The following PHF2 variants were observed in gnomAD, a reference collection of about 807,000 sequenced individuals.
PHF2 encodes lysine-specific demethylase PHF2.
A neutral mutation model predicts 120.5 loss-of-function variants in PHF2; 27 were observed. The observed-to-expected ratio is 0.22, with a 90% CI of 0.17 to 0.31. The LOEUF (loss-of-function observed/expected upper bound fraction) is 0.31. Ranked by LOEUF, PHF2 falls within the 10% of genes least tolerant of loss-of-function variation. PHF2 has a pLI of 1.00. For missense variants in PHF2, 1,024 were observed against 1,434.8 expected, an observed-to-expected ratio of 0.71 and a Z score of 4.63; for synonymous variants, 568 against 592.5, an observed-to-expected ratio of 0.96 and a Z score of 0.60.
At position 93,677,767 on chromosome 9, in the gene PHF2, AC is replaced by A; in HGVS notation, c.*93del. 1.1e-6 allele frequency: 1 copy of A among 921,130 alleles called. No individual in the cohort carries two copies. The highest frequency in any genetic ancestry group is 1.7e-6 in the Non-Finnish European group (1 of 580,486). 57.1% of individuals were successfully genotyped at this position (921,130 alleles called of 1,614,324 possible). A position where few individuals can be genotyped will look rare whatever the true frequency, so the allele number is the denominator to read the frequency against. On this transcript the variant is annotated 3_prime_UTR_variant, in exon 22 of 22. Transcript: ENST00000359246. The surrounding 1 kb of genome is among the most constrained non-coding windows in gnomAD (Gnocchi z 4.4). ...TCCCAGGAGGGTGCCGAGCTGCCTC[AC>A]CAGGGAGGGCCTTGCCTCTTCCCGG...
chr9:93,642,742 A>G (rs1008754150), intron 3 of PHF2, among the ~76,000 whole-genome samples: 8 of 152,192 alleles, frequency 5.3e-5, no homozygotes, highest in Non-Finnish European at 7.3e-5. Context: ...TTGGAGAGTC[A>G]CATGTCAATT....
At chr9:93,644,520 G>C (rs1826221998) in intron 3 of PHF2, among the ~76,000 whole-genome samples, 1 of 152,118 alleles carries the variant, frequency 6.6e-6, no homozygotes, top group African/African-American at 2.4e-5. Context: ...ACCTGCCACT[G>C]TCTGTCCGCG....
chr9:93,657,402 G>A (rs1250874510), intron 9 of PHF2, among the ~76,000 whole-genome samples: 1 of 152,158 alleles, frequency 6.6e-6, no homozygotes, highest in Non-Finnish European at 1.5e-5. Flanking sequence ...GCTTGACTCT[G>A]GCAGAAGGAA....
At chr9:93,628,135 A>G (rs748789791) in intron 1 of PHF2, among the ~76,000 whole-genome samples, 37 of 152,154 alleles carry the variant, frequency 2.4e-4, no homozygotes, top group Non-Finnish European at 4.6e-4. Flanking sequence ...TCCCCTTAAT[A>G]TGCTCCTAGA....
At position 93,677,756 on chromosome 9, in the gene PHF2, C is replaced by T. The variant is rs903396013; in HGVS notation, c.*80C>T. On this transcript the variant is annotated 3_prime_UTR_variant, in exon 22 of 22. Transcript: ENST00000359246. The surrounding 1 kb of genome is among the most constrained non-coding windows in gnomAD (Gnocchi z 4.4). ...AAACATCTGCCTCCCAGGAGGGTGCCGAGCTGCCTCACCAGGGAGGGCCTT... is the reference window on the plus strand; with the variant it reads ...AAACATCTGCCTCCCAGGAGGGTGCTGAGCTGCCTCACCAGGGAGGGCCTT... 1.5e-5 allele frequency: 16 copies of T among 1,043,456 alleles called. No individual in the cohort carries two copies. The highest frequency in any genetic ancestry group is 2.1e-4 in the Middle Eastern group (1 of 4,758). 64.6% of individuals were successfully genotyped at this position (1,043,456 alleles called of 1,614,324 possible).
chr9:93,585,922 C>T (rs940081421), intron 1 of PHF2, among the ~76,000 whole-genome samples: 4 of 152,348 alleles, frequency 2.6e-5, no homozygotes, highest in Non-Finnish European at 5.9e-5. Context: ...GAGCTTGAGG[C>T]CCTTCCCTGC....
At chr9:93,673,976 C>A in intron 18 of PHF2, 114 bp downstream of exon 18, 1 of 1,195,954 alleles carries the variant, frequency 8.4e-7, no homozygotes, top group Non-Finnish European at 1.1e-6. Context: ...GGCCTCAGCT[C>A]AGCAAAACCC....
At position 93,674,957 on chromosome 9, in the gene PHF2, A is replaced by G. The variant is rs1389690496; in HGVS notation, c.2657A>G (p.Asn886Ser). Residue 886 changes from asparagine (N) to serine (S), a missense_variant, in exon 19 of 22, where the codon AAC becomes AGC. Asn to Ser is a conservative substitution (Grantham distance 46). Around this residue, in one of 2 missense-constraint regions of PHF2, gnomAD observed 677 missense variants for 857.4 expected, o/e 0.79. Transcript: ENST00000359246. Reference protein sequence around the residue: ...VYPSLESDEDNPIFKSRSKKR... With the variant: ...VYPSLESDEDSPIFKSRSKKR... ...CCCTCACTGGAGTCAGATGAAGACA[A>G]CCCCATCTTTAAGTCCCGGTCGAAG... 4 of 1,613,716 alleles carry G rather than the reference A, an allele frequency of 2.5e-6. No individual in the cohort carries two copies. The highest frequency in any genetic ancestry group is 3.4e-6 in the Non-Finnish European group (4 of 1,179,892).
rs1411385926 is a variant in PHF2 at position 93,633,639 on chromosome 9, C to T, written c.185-2772C>T. Among the ~76,000 whole-genome samples the T allele has an allele frequency of 3.9e-5, 6 of 152,290 alleles. No homozygotes were observed. The East Asian group carries it at 1.2e-3, about 29-fold the overall frequency. ...CCCCTCTGTGTACCTTTGCTGGTGA[C>T]CTTGGCACGGCCCCACGTCTCTGGC... On this transcript the variant is annotated intron_variant, in intron 2 of 21. Coordinates refer to ENST00000359246, the MANE Select transcript of PHF2 (RefSeq NM_005392.4).
At chr9:93,652,780 G>A (rs1331572803) in intron 5 of PHF2, among the ~76,000 whole-genome samples, 1 of 152,176 alleles carries the variant, frequency 6.6e-6, no homozygotes, top group Non-Finnish European at 1.5e-5. Context: ...TGTTATCCAG[G>A]TGACGCCAGA....
At chr9:93,654,821 G>A (rs3750356) in intron 7 of PHF2, among the ~76,000 whole-genome samples, 3,043 of 152,288 alleles carry the variant, frequency 0.02, 66 homozygotes, top group East Asian at 0.1. Context: ...GTGTTGTCTC[G>A]TCAGCATGGG....
At chr9:93,663,084 G>T (rs904594301) in intron 13 of PHF2, 58 bp downstream of exon 13, 6 of 1,606,036 alleles carry the variant, frequency 3.7e-6, no homozygotes, top group Admixed American at 1.7e-5. Context: ...AGTGTGAGCA[G>T]AGGTGAATCT....
chr9:93,674,964 C>CT lies in PHF2; in HGVS notation c.2667dup (p.Lys890Ter). On this transcript the variant is annotated frameshift_variant, in exon 19 of 22. Transcript: ENST00000359246. LOFTEE classifies it high-confidence loss of function. ...TGGAGTCAGATGAAGACAACCCCAT[C>CT]TTTAAGTCCCGGTCGAAGAAAAGGA... 1 of 1,613,970 alleles carries CT rather than the reference C, an allele frequency of 6.2e-7. No homozygotes were observed. Among genetic ancestry groups the CT allele is most frequent in the Non-Finnish European group, 8.5e-7 (1 of 1,179,962 alleles).
intron 17 of PHF2, among the ~76,000 whole-genome samples, chr9:93,672,230 G>A (rs1346549988): frequency 6.7e-6 from 1 of 148,192 alleles, no homozygotes; most frequent in African/African-American, 2.5e-5. Context: ...AGATGCAGGT[G>A]TGGGTGTGGA....
At chr9:93,672,398 G>A in intron 17 of PHF2, 1 of 329,120 alleles carries the variant, frequency 3.0e-6, no homozygotes, top group Non-Finnish European at 3.7e-6. Context: ...AGGCACAGGT[G>A]CAGGTGCAGG....
chr9:93,620,927 C>T (rs927415045), intron 1 of PHF2, among the ~76,000 whole-genome samples: 1 of 152,240 alleles, frequency 6.6e-6, no homozygotes, highest in South Asian at 2.1e-4. Context: ...AGGATGGCCC[C>T]TAATGGAGCT....
chr9:93,648,077 C>T (rs1283997213), intron 4 of PHF2, among the ~76,000 whole-genome samples: 3 of 151,922 alleles, frequency 2.0e-5, no homozygotes, highest in Admixed American at 6.6e-5. Flanking sequence ...TGCCTTTTTA[C>T]ATTTGGCTGT....
rs185576479 is a variant in PHF2, at chr9:93,625,940, A to G, written c.99-4030A>G. ...ATGATTTCTCCACATCCTCTCCAAAACTTACTTTAAAAAAAAAATTGGCCG... is the reference window on the plus strand; with the variant it reads ...ATGATTTCTCCACATCCTCTCCAAAGCTTACTTTAAAAAAAAAATTGGCCG... On this transcript the variant is annotated intron_variant, in intron 1 of 21. Coordinates refer to ENST00000359246, the MANE Select transcript of PHF2 (RefSeq NM_005392.4). 1.9e-3 allele frequency among the ~76,000 whole-genome samples: 293 copies of G among 151,740 alleles called. 2 individuals carry two copies. The highest frequency in any genetic ancestry group is 6.7e-3 in the African/African-American group (278 of 41,326).
chr9:93,598,828 G>A (rs536602930), intron 1 of PHF2, among the ~76,000 whole-genome samples: 1 of 152,252 alleles, frequency 6.6e-6, no homozygotes, highest in South Asian at 2.1e-4. Flanking sequence ...GCTCATACAG[G>A]AATGCATTCC....
Sources: allele counts gnomAD v4.1 joint callset (sites outside exome capture counted in the v4.1 genomes callset), GRCh38; gene constraint gnomAD v4.1.1; regional missense constraint gnomAD v4.1.1; non-coding constraint Gnocchi (gnomAD v3.1); transcripts MANE v1.5; gene names NCBI Gene and HGNC (gene_info 2026-07-23, HGNC 2026-07-21).